EPHA3: variants seen among roughly 807,000 people sequenced by gnomAD.
EPHA3 encodes EPH receptor A3.
EPHA3 carries 42 observed loss-of-function variants against 107.1 expected under a neutral mutation model. The observed-to-expected ratio is 0.39, with a 90% CI of 0.31 to 0.51. The LOEUF (loss-of-function observed/expected upper bound fraction) is 0.51, where lower values mean the gene tolerates loss of function less well. Among genes scored for constraint, EPHA3 ranks in the 20% least tolerant of loss-of-function variants. The pLI, the probability that EPHA3 is intolerant of heterozygous loss-of-function variation, is 0.78. For missense variants in EPHA3, 1,183 were observed against 1,211.2 expected (o/e 0.98, Z 0.35); for synonymous variants, 461 against 424.8 (o/e 1.09, Z -1.05).
chr3:89,431,044 A>T, intron 12 of EPHA3, 106 bp from the exon 13 acceptor site: 1 of 1,135,612 alleles, frequency 8.8e-7, no homozygotes, highest in Non-Finnish European at 1.2e-6. Flanking sequence ...TAAAGTGTGT[A>T]TAGTCAGTCT....
chr3:89,356,718 A>T (rs1707965302), intron 5 of EPHA3, among the ~76,000 whole-genome samples: 1 of 151,130 alleles, frequency 6.6e-6, no homozygotes, highest in Non-Finnish European at 1.5e-5. Flanking sequence ...GCCATCACTG[A>T]GGTGCCCTAC....
rs1706093608 is a variant in EPHA3, at chr3:89,286,813, C to A, written c.815-54103C>A. 2.0e-5 allele frequency among the ~76,000 whole-genome samples: 3 copies of A among 152,124 alleles called. No individual in the cohort carries two copies. The South Asian group carries it at 6.2e-4, about 31-fold the overall frequency. On this transcript the variant is annotated intron_variant, in intron 3 of 16. Coordinates refer to ENST00000336596, the MANE Select transcript of EPHA3 (RefSeq NM_005233.6). Reference sequence around the variant, plus strand: ...AAAACAGAAATAATGTGTTGATTCACTTCAACATCAAGAGGTATGCATATC... The same window carrying A: ...AAAACAGAAATAATGTGTTGATTCAATTCAACATCAAGAGGTATGCATATC...
At chr3:89,316,498 TGTG>T (rs1706903148) in intron 3 of EPHA3, among the ~76,000 whole-genome samples, 4 of 116,646 alleles carry the variant, frequency 3.4e-5, no homozygotes, top group Admixed American at 1.1e-4. Flanking sequence ...TGTGTGTGTG[TGTG>T]TGTAATATAT....
intron 2 of EPHA3, among the ~76,000 whole-genome samples, chr3:89,200,945 G>T (rs570598836): frequency 2.6e-5 from 4 of 152,222 alleles, no homozygotes; most frequent in African/African-American, 7.2e-5. Context: ...TGAGCTGCTG[G>T]GATAGGTTCC....
chr3:89,200,384 T>C (rs1400597013), intron 2 of EPHA3, among the ~76,000 whole-genome samples: 4 of 152,226 alleles, frequency 2.6e-5, no homozygotes, highest in Non-Finnish European at 4.4e-5. Flanking sequence ...ATATTCACTG[T>C]GTGCATTCAT....
chr3:89,251,346 AGAG>A (rs978135256), intron 3 of EPHA3, among the ~76,000 whole-genome samples: 1 of 152,160 alleles, frequency 6.6e-6, no homozygotes, highest in Non-Finnish European at 1.5e-5. Flanking sequence ...TTTTTTTAAA[AGAG>A]GAGATTAATA....
chr3:89,210,802 A>T (rs373364358), intron 3 of EPHA3, among the ~76,000 whole-genome samples: 9 of 152,124 alleles, frequency 5.9e-5, no homozygotes, highest in African/African-American at 2.2e-4. Context: ...TAACTAAGGT[A>T]ATCTAATTCT....
chr3:89,222,393 A>G (rs1444903301), intron 3 of EPHA3, among the ~76,000 whole-genome samples: 2 of 148,140 alleles, frequency 1.4e-5, no homozygotes, highest in Non-Finnish European at 3.0e-5. Context: ...ACACACACAT[A>G]TATACATATA....
chr3:89,459,832 GT>G, intron 15 of EPHA3, among the ~76,000 whole-genome samples: 1 of 152,216 alleles, frequency 6.6e-6, no homozygotes, highest in South Asian at 2.1e-4. Flanking sequence ...CCAAAGGGAT[GT>G]TTTTTAAAGA....
intron 3 of EPHA3, among the ~76,000 whole-genome samples, chr3:89,266,631 C>T (rs1399991010): frequency 3.3e-5 from 5 of 151,990 alleles, no homozygotes; most frequent in Non-Finnish European, 5.9e-5. Context: ...GTAGCATATT[C>T]GGTCATCATT....
At position 89,125,593 on chromosome 3, in the gene EPHA3, GCTAT is replaced by G. The variant is rs200333984; in HGVS notation, c.89-1609_89-1606del. On this transcript the variant is annotated intron_variant, in intron 1 of 16. Coordinates refer to ENST00000336596, the MANE Select transcript of EPHA3 (RefSeq NM_005233.6). Reference sequence around the variant, plus strand: ...ATTATACTATGTAATCCATGCAGCGGCTATCTATCTTCTGTTTTAATTTAAATAC... The same window carrying G: ...ATTATACTATGTAATCCATGCAGCGGCTATCTTCTGTTTTAATTTAAATAC... 4.1e-3 allele frequency among the ~76,000 whole-genome samples: 625 copies of G among 151,584 alleles called. 19 individuals are homozygous for G. Among genetic ancestry groups the G allele is most frequent in the Admixed American group, 0.034 (524 of 15,216 alleles).
chr3:89,368,888 A>AC, intron 5 of EPHA3, among the ~76,000 whole-genome samples: 1 of 150,790 alleles, frequency 6.6e-6, no homozygotes, highest in Admixed American at 6.7e-5. Context: ...AAATTGACAC[A>AC]TAAAATTAAC....
chr3:89,274,563 A>G (rs1308708080), intron 3 of EPHA3, among the ~76,000 whole-genome samples: 1 of 152,008 alleles, frequency 6.6e-6, no homozygotes, highest in Non-Finnish European at 1.5e-5. Context: ...CCATAGATTT[A>G]TGTGAATTAA....
intron 3 of EPHA3, among the ~76,000 whole-genome samples, chr3:89,336,884 A>T (rs1296250866): frequency 1.3e-5 from 2 of 151,978 alleles, no homozygotes; most frequent in South Asian, 4.1e-4. Context: ...ATATAGTGAG[A>T]CCTCATCTCT....
Position 89,347,556 on chromosome 3 carries a change from G to C in EPHA3, c.1306+5466G>C, listed in dbSNP as rs1364384286. Among the ~76,000 whole-genome samples, 100 of 149,246 alleles carry C rather than the reference G, an allele frequency of 6.7e-4. 3 individuals are homozygous for C. In the East Asian group the frequency reaches 0.017, roughly 26 times the overall value. The stretch of plus-strand genomic sequence containing the variant: ...TTCTAGATATACAATCATGTAGTCT[G>C]CAAACAGGGACAATTTGACTTCCTC... On this transcript the variant is annotated intron_variant, in intron 5 of 16. Transcript: ENST00000336596.
intron 2 of EPHA3, among the ~76,000 whole-genome samples, chr3:89,161,413 C>G (rs1471818572): frequency 6.6e-6 from 1 of 152,036 alleles, no homozygotes; most frequent in Non-Finnish European, 1.5e-5. Flanking sequence ...AAATATAACA[C>G]CTGCTTTTAT....
At chr3:89,444,380 AT>A (rs11353317) in intron 13 of EPHA3, among the ~76,000 whole-genome samples, 145,532 of 151,114 alleles carry the variant, frequency 0.96, 70,118 homozygotes, top group East Asian at 1. Flanking sequence ...CTGTAGTTTG[AT>A]TTTTTTTTTT....
chr3:89,198,293 G>T (rs1203557081), intron 2 of EPHA3, among the ~76,000 whole-genome samples: 3 of 152,160 alleles, frequency 2.0e-5, no homozygotes, highest in Non-Finnish European at 4.4e-5. Flanking sequence ...GGCAAACACA[G>T]TTACAACCAT....
In EPHA3 at chr3:89,249,054, C is replaced by T. The variant is rs549989959; in HGVS notation, c.814+38534C>T. On this transcript the variant is annotated intron_variant, in intron 3 of 16. Transcript: ENST00000336596. The stretch of plus-strand genomic sequence containing the variant: ...TATCCCTTGCAGTTATATTTGGGTC[C>T]AGAGGGTAGTTCTTACCAATGAGCT... Among the ~76,000 whole-genome samples the T allele has an allele frequency of 3.3e-5, 5 of 152,244 alleles. No homozygotes were observed. In the South Asian group the frequency reaches 1.0e-3, roughly 32 times the overall value.
Sources: allele counts gnomAD v4.1 joint callset (sites outside exome capture counted in the v4.1 genomes callset), GRCh38; gene constraint gnomAD v4.1.1; transcripts MANE v1.5; gene names NCBI Gene and HGNC (gene_info 2026-07-23, HGNC 2026-07-21).